The following PDSS1 variants were observed in gnomAD, a reference collection of about 807,000 sequenced individuals.
PDSS1 encodes decaprenyl diphosphate synthase subunit 1.
In PDSS1, 43 loss-of-function variants were observed where a neutral mutation model predicts 57.5. The ratio of observed to expected loss-of-function variants is 0.75; its 90% CI spans 0.59 to 0.96. The LOEUF (loss-of-function observed/expected upper bound fraction) is 0.96, where lower values mean the gene tolerates loss of function less well. PDSS1 is among the 50% of genes least tolerant of loss of function. The pLI, the probability that PDSS1 is intolerant of heterozygous loss-of-function variation, is 0.00. For synonymous variants in PDSS1, 175 were observed against 191.3 expected (o/e 0.91, Z 0.70); for missense variants, 438 against 527.8 (o/e 0.83, Z 1.67).
At position 26,735,253 on chromosome 10, in the gene PDSS1, G is replaced by C. The variant is rs1267456285; in HGVS notation, c.845G>C (p.Gly282Ala). The C allele has an allele frequency of 6.2e-7, 1 of 1,613,172 alleles. No homozygotes were observed. The highest frequency in any genetic ancestry group is 2.2e-5 in the East Asian group (1 of 44,882). Residue 282 changes from glycine to alanine, a missense_variant, in exon 9 of 12, where the codon GGA becomes GCA. Physicochemically the swap from Gly to Ala is moderately conservative, Grantham distance 60. Around this residue, in one of 2 missense-constraint regions of PDSS1, gnomAD observed 284 missense variants for 390.7 expected, o/e 0.73. Transcript: ENST00000376215. The stretch of plus-strand genomic sequence containing the variant: ...TTTCTGTTTCAGGTCTCTGTTCTAG[G>C]ATGTCCCGACCCAGTGGTGCATGAG... ...ANSCKAVSVL[G>A]CPDPVVHEIA...
At chr10:26,739,828 C>T (rs1399912127) in intron 10 of PDSS1, among the ~76,000 whole-genome samples, 1 of 152,098 alleles carries the variant, frequency 6.6e-6, no homozygotes, top group African/African-American at 2.4e-5. Flanking sequence ...AAGGCAAGAC[C>T]CCATCTCTAT....
chr10:26,745,979 TTTAC>T (rs756321130), intron 11 of PDSS1, among the ~76,000 whole-genome samples: 6 of 152,238 alleles, frequency 3.9e-5, no homozygotes, highest in Non-Finnish European at 7.3e-5. Context: ...TTAAGTAAGT[TTTAC>T]TTGTGTTTTT....
At position 26,705,290 on chromosome 10, in the gene PDSS1, C is replaced by T; in HGVS notation, c.232C>T (p.His78Tyr). ...GTGCATTTTTGCATGTCCCAGGTTT[C>T]ATCACACAACCCCAGACAGTAAAAC... ...CPNVCRISRF[H>Y]HTTPDSKTHS... is the part of the protein sequence containing the mutation. The change falls in exon 4 of 12, where the codon CAT becomes TAT. Residue 78 changes from histidine to tyrosine, a missense_variant. His to Tyr is a moderately conservative substitution (Grantham distance 83). Coordinates refer to ENST00000376215, the MANE Select transcript of PDSS1 (RefSeq NM_014317.5). 1 of 1,599,890 alleles carries T rather than the reference C, an allele frequency of 6.3e-7. No homozygotes were observed. Among genetic ancestry groups the T allele is most frequent in the Non-Finnish European group, 8.6e-7 (1 of 1,167,358 alleles).
At chr10:26,716,434 G>T (rs953548606) in intron 5 of PDSS1, among the ~76,000 whole-genome samples, 1 of 152,060 alleles carries the variant, frequency 6.6e-6, no homozygotes, top group East Asian at 1.9e-4. Flanking sequence ...GGTGGCTCAC[G>T]TAATCTCAGC....
In PDSS1 at chr10:26,704,574, G is replaced by C. The variant is rs186765260; in HGVS notation, c.163-103G>C. ...TAAAGTTTGCAATCTACCTGTAAATGGGTGATTAGAAGATAAAGATTATAA... is the reference window on the plus strand; with the variant it reads ...TAAAGTTTGCAATCTACCTGTAAATCGGTGATTAGAAGATAAAGATTATAA... On this transcript the variant is annotated intron_variant, in intron 2 of 11. Transcript: ENST00000376215. 20 of 708,976 alleles carry C rather than the reference G, an allele frequency of 2.8e-5. No individual in the cohort carries two copies. The East Asian group carries it at 5.1e-4, about 18-fold the overall frequency. 43.9% of individuals were successfully genotyped at this position (708,976 alleles called of 1,614,324 possible). A position where few individuals can be genotyped will look rare whatever the true frequency, so the allele number is the denominator to read the frequency against.
intron 8 of PDSS1, among the ~76,000 whole-genome samples, chr10:26,727,737 T>C (rs1332576230): frequency 1.3e-5 from 2 of 152,110 alleles, no homozygotes; most frequent in Admixed American, 6.6e-5. Context: ...TGAACTGTTA[T>C]AACGAAAGGG....
chr10:26,736,944 T>G (rs1261221384), intron 10 of PDSS1, among the ~76,000 whole-genome samples: 1 of 152,190 alleles, frequency 6.6e-6, no homozygotes, highest in Non-Finnish European at 1.5e-5. Flanking sequence ...CATGTAGGTG[T>G]TATGCTGGGG....
Position 26,723,786 on chromosome 10 carries a change from T to A in PDSS1, c.610-20T>A. On this transcript the variant is annotated intron_variant, in intron 6 of 11. Coordinates refer to ENST00000376215, the MANE Select transcript of PDSS1 (RefSeq NM_014317.5). The stretch of plus-strand genomic sequence containing the variant: ...GATGGATTTTTCAGAACGTTCTGTT[T>A]TCCCCCTGTCTTTTTCTAGGCTGTT... 1 of 1,529,132 alleles carries A rather than the reference T, an allele frequency of 6.5e-7. No individual in the cohort carries two copies. The highest frequency in any genetic ancestry group is 2.2e-5 in the East Asian group (1 of 44,458). The allele number at this position is 1,529,132 out of a possible 1,614,324, so 94.7% of individuals were successfully genotyped here.
At chr10:26,705,783 T>C (rs999684762) in intron 4 of PDSS1, among the ~76,000 whole-genome samples, 1 of 152,216 alleles carries the variant, frequency 6.6e-6, no homozygotes, top group Non-Finnish European at 1.5e-5. Context: ...ATCTGTACAA[T>C]GCAGTTTGCA....
At chr10:26,707,649 A>T (rs1835281682) in intron 4 of PDSS1, among the ~76,000 whole-genome samples, 1 of 151,952 alleles carries the variant, frequency 6.6e-6, no homozygotes, top group Non-Finnish European at 1.5e-5. Context: ...TAATTTTGCC[A>T]TTCCCTGGGG....
chr10:26,726,639 A>G (rs186900617), intron 8 of PDSS1, among the ~76,000 whole-genome samples: 1 of 152,184 alleles, frequency 6.6e-6, no homozygotes, highest in Non-Finnish European at 1.5e-5. Context: ...TTGGAGGGAA[A>G]CTTACAAGCT....
At chr10:26,735,209 A>G in intron 8 of PDSS1, 31 bp from the exon 9 acceptor site, 1 of 1,531,414 alleles carries the variant, frequency 6.5e-7, no homozygotes, top group South Asian at 1.1e-5. Flanking sequence ...GCCTGGAAGC[A>G]GCTTATCTCA....
intron 8 of PDSS1, among the ~76,000 whole-genome samples, chr10:26,724,377 G>A (rs528222928): frequency 3.3e-5 from 5 of 152,002 alleles, no homozygotes; most frequent in South Asian, 2.1e-4. Flanking sequence ...AAGCTTTCCC[G>A]CACCTTCCCC....
chr10:26,733,325 C>A (rs191820192), intron 8 of PDSS1, among the ~76,000 whole-genome samples: 1 of 152,044 alleles, frequency 6.6e-6, no homozygotes, highest in South Asian at 2.1e-4. Context: ...TAGCTTCTCT[C>A]GAAAGTTTCT....
At chr10:26,710,707 A>G (rs1835390172) in intron 5 of PDSS1, among the ~76,000 whole-genome samples, 1 of 98,244 alleles carries the variant, frequency 1.0e-5, no homozygotes, top group South Asian at 2.7e-4. Context: ...CTCTGTTGCA[A>G]GTTAGGTTCT....
intron 6 of PDSS1, among the ~76,000 whole-genome samples, chr10:26,720,759 A>C (rs1402517304): frequency 6.6e-6 from 1 of 152,226 alleles, no homozygotes; most frequent in Non-Finnish European, 1.5e-5. Flanking sequence ...AAAAGAAAAA[A>C]GAAACCTCAG....
chr10:26,725,999 T>A (rs1835937580), intron 8 of PDSS1, among the ~76,000 whole-genome samples: 1 of 152,216 alleles, frequency 6.6e-6, no homozygotes, highest in African/African-American at 2.4e-5. Context: ...ACTTACTGTC[T>A]GCACCATGCA....
At chr10:26,700,902 GC>G (rs1245847792) in intron 1 of PDSS1, among the ~76,000 whole-genome samples, 1 of 152,164 alleles carries the variant, frequency 6.6e-6, no homozygotes, top group Non-Finnish European at 1.5e-5. Context: ...TGGGTAACAA[GC>G]AGAGGTTGGA....
chr10:26,746,124 A>G (rs947902463), intron 11 of PDSS1, among the ~76,000 whole-genome samples: 3 of 152,206 alleles, frequency 2.0e-5, no homozygotes, highest in Admixed American at 2.0e-4. Context: ...TGCTAATAGA[A>G]TAAAAATTTG....
Sources: allele counts gnomAD v4.1 joint callset (sites outside exome capture counted in the v4.1 genomes callset), GRCh38; gene constraint gnomAD v4.1.1; regional missense constraint gnomAD v4.1.1; transcripts MANE v1.5; gene names NCBI Gene and HGNC (gene_info 2026-07-23, HGNC 2026-07-21).